Variants in ROBO1 observed in about 807,000 individuals in gnomAD.
ROBO1 encodes the protein roundabout guidance receptor 1.
A neutral mutation model predicts 195.9 loss-of-function variants in ROBO1; 149 were observed. The observed-to-expected ratio is 0.76, with a 90% confidence interval of 0.67 to 0.87. The LOEUF (loss-of-function observed/expected upper bound fraction) is 0.87, where lower values mean the gene tolerates loss of function less well. ROBO1 is among the 40% of genes least tolerant of loss of function. ROBO1 has a pLI of 0.00. For missense variants in ROBO1, 1,933 were observed against 2,068.3 expected (o/e 0.93, Z 1.27); for synonymous variants, 816 against 733.2 (o/e 1.11, Z -1.82).
At chr3:79,110,782 C>T (rs747288001) in intron 3 of ROBO1, among the ~76,000 whole-genome samples, 38 of 151,634 alleles carry the variant, frequency 2.5e-4, no homozygotes, top group Admixed American at 3.3e-4. Context: ...ACCACCACAC[C>T]TGGCTAATTT....
At chr3:78,979,455 C>G (rs1487337888) in intron 3 of ROBO1, among the ~76,000 whole-genome samples, 1 of 151,946 alleles carries the variant, frequency 6.6e-6, no homozygotes, top group Non-Finnish European at 1.5e-5. Context: ...ATTTACAGTC[C>G]CTTTAAGGAA....
intron 3 of ROBO1, among the ~76,000 whole-genome samples, chr3:79,116,074 A>C (rs1430790852): frequency 6.6e-6 from 1 of 152,084 alleles, no homozygotes; most frequent in Non-Finnish European, 1.5e-5. Context: ...TGTTTCTTAC[A>C]TTGCTTGTCT....
chr3:79,617,291 A>C (rs2107954867), intron 1 of ROBO1, among the ~76,000 whole-genome samples: 1 of 152,280 alleles, frequency 6.6e-6, no homozygotes, highest in African/African-American at 2.4e-5. Flanking sequence ...GCTGAATTTC[A>C]CAACCAAATA....
intron 1 of ROBO1, among the ~76,000 whole-genome samples, chr3:79,595,212 G>T (rs1944127601): frequency 6.6e-6 from 1 of 151,900 alleles, no homozygotes; most frequent in Non-Finnish European, 1.5e-5. Flanking sequence ...ATAGGAGGGT[G>T]ATTTTCTCAA....
intron 21 of ROBO1, among the ~76,000 whole-genome samples, chr3:78,643,808 T>A (rs1414260436): frequency 6.6e-6 from 1 of 152,012 alleles, no homozygotes; most frequent in African/African-American, 2.4e-5. Context: ...GTATTATAGA[T>A]AAAGGTAGGA....
intron 2 of ROBO1, among the ~76,000 whole-genome samples, chr3:79,429,122 T>C (rs1028230405): frequency 7.2e-5 from 11 of 152,178 alleles, no homozygotes; most frequent in Non-Finnish European, 1.2e-4. Flanking sequence ...TGTATCTAGA[T>C]AACCTGACTT....
chr3:79,058,433 C>T (rs528272615), intron 3 of ROBO1, among the ~76,000 whole-genome samples: 41 of 152,112 alleles, frequency 2.7e-4, no homozygotes, highest in African/African-American at 9.9e-4. Context: ...CATTCTGAGC[C>T]CAGAACACCC....
intron 3 of ROBO1, among the ~76,000 whole-genome samples, chr3:78,996,697 C>T (rs988419699): frequency 4.6e-5 from 7 of 151,936 alleles, no homozygotes; most frequent in African/African-American, 1.7e-4. Context: ...CACACACATG[C>T]ACACATACAC....
At chr3:79,171,175 A>T (rs2081158487) in intron 2 of ROBO1, among the ~76,000 whole-genome samples, 1 of 149,980 alleles carries the variant, frequency 6.7e-6, no homozygotes, top group East Asian at 1.9e-4. Context: ...TGTTAAAAAC[A>T]AAGCTTATAA....
chr3:78,831,132 C>T (rs1283430150), intron 4 of ROBO1, among the ~76,000 whole-genome samples: 3 of 152,036 alleles, frequency 2.0e-5, no homozygotes, highest in East Asian at 2.0e-4. Context: ...AGGCTGGTCT[C>T]GAACTCCTGA....
chr3:79,339,461 T>C (rs2034818744), intron 2 of ROBO1, among the ~76,000 whole-genome samples: 1 of 152,188 alleles, frequency 6.6e-6, no homozygotes, highest in Admixed American at 6.6e-5. Flanking sequence ...CATGCCATCG[T>C]ACCTCCACAC....
intron 2 of ROBO1, among the ~76,000 whole-genome samples, chr3:79,439,313 C>G (rs767817969): frequency 6.6e-6 from 1 of 152,160 alleles, no homozygotes; most frequent in South Asian, 2.1e-4. Flanking sequence ...AATCTTTTCC[C>G]TCAATTTTAG....
Position 79,088,475 on chromosome 3 carries a change from T to C in ROBO1, c.172+36981A>G, listed in dbSNP as rs546491555. ...CAAAGTCTTAACAATGTTGTAAAAA[T>C]ATGCAAGTTTAAATTGTATATACCG... On this transcript the variant is annotated intron_variant, in intron 3 of 30. Transcript: ENST00000464233. Among the ~76,000 whole-genome samples the C allele has an allele frequency of 1.3e-3, 194 of 152,216 alleles. 2 individuals are homozygous for C. Among genetic ancestry groups the C allele is most frequent in the African/African-American group, 4.2e-3 (174 of 41,568 alleles).
intron 4 of ROBO1, among the ~76,000 whole-genome samples, chr3:78,910,547 T>C (rs2038181563): frequency 6.6e-6 from 1 of 151,846 alleles, no homozygotes; most frequent in Non-Finnish European, 1.5e-5. Context: ...TTAACCAGAA[T>C]CAAATATTAG....
At chr3:79,351,006 T>C (rs1051476087) in intron 2 of ROBO1, among the ~76,000 whole-genome samples, 1 of 152,114 alleles carries the variant, frequency 6.6e-6, no homozygotes, top group Non-Finnish European at 1.5e-5. Context: ...GATTTCTTTT[T>C]GAAGGGTGGA....
At chr3:79,196,501 C>T (rs568393594) in intron 2 of ROBO1, among the ~76,000 whole-genome samples, 80 of 151,772 alleles carry the variant, frequency 5.3e-4, no homozygotes, top group African/African-American at 1.9e-3. Context: ...GTGCAGCTAA[C>T]TATATGGAGG....
At chr3:78,736,329 A>G (rs2082391685) in intron 5 of ROBO1, among the ~76,000 whole-genome samples, 1 of 152,082 alleles carries the variant, frequency 6.6e-6, no homozygotes, top group Non-Finnish European at 1.5e-5. Flanking sequence ...GTGGACTTTC[A>G]TATGTTTTAT....
intron 4 of ROBO1, among the ~76,000 whole-genome samples, chr3:78,821,291 G>A (rs1206361314): frequency 1.3e-5 from 2 of 149,428 alleles, no homozygotes; most frequent in South Asian, 2.1e-4. Flanking sequence ...TCAGCCTCCC[G>A]AGTAACTGGG....
At chr3:79,569,361 T>C (rs76168993) in intron 2 of ROBO1, among the ~76,000 whole-genome samples, 135 of 152,336 alleles carry the variant, frequency 8.9e-4, no homozygotes, top group Non-Finnish European at 1.8e-3. Context: ...ATTAAACTAT[T>C]AATATTTCCA....
Sources: allele counts gnomAD v4.1 joint callset (sites outside exome capture counted in the v4.1 genomes callset), GRCh38; gene constraint gnomAD v4.1.1; transcripts MANE v1.5; gene names NCBI Gene and HGNC (gene_info 2026-07-23, HGNC 2026-07-21).